PLCXD3: variants seen among roughly 807,000 people sequenced by gnomAD.
PLCXD3 encodes the protein phosphatidylinositol specific phospholipase C X domain containing 3, also known as PI-PLC X domain-containing protein 3.
A neutral mutation model predicts 25.5 loss-of-function variants in PLCXD3; 19 were observed. The observed-to-expected ratio is 0.75, with a 90% CI of 0.52 to 1.09. PLCXD3 has a LOEUF of 1.09. PLCXD3 is among the 50% of genes least tolerant of loss of function. PLCXD3 has a pLI of 0.00. For missense variants in PLCXD3, 411 were observed against 388.1 expected, an observed-to-expected ratio of 1.06 and a Z score of -0.50; for synonymous variants, 174 against 137.6, an observed-to-expected ratio of 1.26 and a Z score of -1.85.
At chr5:41,317,508 A>G (rs1447708518) in intron 2 of PLCXD3, among the ~76,000 whole-genome samples, 3 of 152,158 alleles carry the variant, frequency 2.0e-5, no homozygotes, top group Non-Finnish European at 2.9e-5. Flanking sequence ...ACCTCACCAT[A>G]TGAACTAAAT....
chr5:41,468,109 C>A (rs1436859968), intron 1 of PLCXD3, among the ~76,000 whole-genome samples: 1 of 138,698 alleles, frequency 7.2e-6, no homozygotes, highest in Non-Finnish European at 1.5e-5. Context: ...CCTCTGCCTC[C>A]TGGGTTGAAG....
At chr5:41,355,449 T>A (rs1744590038) in intron 2 of PLCXD3, among the ~76,000 whole-genome samples, 1 of 152,216 alleles carries the variant, frequency 6.6e-6, no homozygotes, top group African/African-American at 2.4e-5. Context: ...AGAACCATAA[T>A]ATCATAATCC....
chr5:41,461,277 T>C (rs1166432202), intron 1 of PLCXD3, among the ~76,000 whole-genome samples: 1 of 152,000 alleles, frequency 6.6e-6, no homozygotes, highest in African/African-American at 2.4e-5. Context: ...AAAAAATTTC[T>C]ACAGGAACAA....
At chr5:41,323,218 G>A (rs1030121566) in intron 2 of PLCXD3, among the ~76,000 whole-genome samples, 5 of 152,080 alleles carry the variant, frequency 3.3e-5, no homozygotes, top group Non-Finnish European at 5.9e-5. Context: ...CCAGAGGCTA[G>A]GAAGCATAGT....
At chr5:41,491,691 T>G (rs318049) in intron 1 of PLCXD3, among the ~76,000 whole-genome samples, 151,716 of 151,944 alleles carry the variant, frequency 1, 75,748 homozygotes, top group Middle Eastern at 1. Context: ...TTATGTAATG[T>G]CCTTCTTTGT....
At chr5:41,497,109 T>C (rs1748859131) in intron 1 of PLCXD3, among the ~76,000 whole-genome samples, 1 of 149,700 alleles carries the variant, frequency 6.7e-6, no homozygotes, top group South Asian at 2.1e-4. Context: ...ACTACAAAAA[T>C]AAATCAATAA....
chr5:41,333,942 A>G (rs999700167), intron 2 of PLCXD3, among the ~76,000 whole-genome samples: 8 of 152,148 alleles, frequency 5.3e-5, no homozygotes, highest in African/African-American at 1.9e-4. Flanking sequence ...CTCTGCCCAA[A>G]TCAAATTCAA....
At chr5:41,332,860 C>T (rs958921018) in intron 2 of PLCXD3, among the ~76,000 whole-genome samples, 42 of 152,126 alleles carry the variant, frequency 2.8e-4, no homozygotes, top group African/African-American at 8.9e-4. Flanking sequence ...AACCAAGCAC[C>T]GCATATTCTC....
chr5:41,344,995 A>G (rs1744259312), intron 2 of PLCXD3, among the ~76,000 whole-genome samples: 1 of 152,184 alleles, frequency 6.6e-6, no homozygotes, highest in Non-Finnish European at 1.5e-5. Flanking sequence ...AATCACAAAA[A>G]TAAAAGCATA....
chr5:41,492,259 G>T (rs1194947725), intron 1 of PLCXD3, among the ~76,000 whole-genome samples: 4 of 152,046 alleles, frequency 2.6e-5, no homozygotes, highest in Non-Finnish European at 5.9e-5. Flanking sequence ...GTTGAATATT[G>T]GCCCCCACTC....
At chr5:41,386,577 A>T (rs991577583) in intron 1 of PLCXD3, among the ~76,000 whole-genome samples, 3 of 152,068 alleles carry the variant, frequency 2.0e-5, no homozygotes, top group African/African-American at 7.2e-5. Flanking sequence ...AAAATATGTA[A>T]TTAAGGTCCC....
chr5:41,346,543 A>C (rs973704930), intron 2 of PLCXD3, among the ~76,000 whole-genome samples: 2 of 152,114 alleles, frequency 1.3e-5, no homozygotes, highest in Non-Finnish European at 2.9e-5. Flanking sequence ...TACTGTCTCT[A>C]TAATTTTGAA....
intron 1 of PLCXD3, among the ~76,000 whole-genome samples, chr5:41,476,783 C>A (rs1283570547): frequency 6.6e-6 from 1 of 152,158 alleles, no homozygotes; most frequent in Non-Finnish European, 1.5e-5. Flanking sequence ...ACACAAAGAG[C>A]AATTACTTTC....
intron 1 of PLCXD3, among the ~76,000 whole-genome samples, chr5:41,416,111 C>T (rs1309540055): frequency 6.6e-6 from 1 of 152,204 alleles, no homozygotes; most frequent in African/African-American, 2.4e-5. Context: ...AATAACCTGA[C>T]ATCACTTTTC....
intron 2 of PLCXD3, among the ~76,000 whole-genome samples, chr5:41,339,851 G>C (rs1744088391): frequency 6.6e-6 from 1 of 152,064 alleles, no homozygotes; most frequent in African/African-American, 2.4e-5. Flanking sequence ...CCTCATAATA[G>C]ATCATATCCA....
intron 1 of PLCXD3, among the ~76,000 whole-genome samples, chr5:41,422,002 TA>T (rs67291030): frequency 0.89 from 134,811 of 151,506 alleles, 60,424 homozygotes; most frequent in Non-Finnish European, 0.93. Context: ...TATATATATA[TA>T]TTGCTAATGC....
At chr5:41,414,042 A>C (rs1241929315) in intron 1 of PLCXD3, among the ~76,000 whole-genome samples, 1 of 152,030 alleles carries the variant, frequency 6.6e-6, no homozygotes, top group Non-Finnish European at 1.5e-5. Flanking sequence ...TTAGATACAC[A>C]GTAGAAAGGT....
At position 41,510,413 on chromosome 5, in the gene PLCXD3, T is replaced by TGC. The variant is rs758522341; in HGVS notation, c.103+9_103+10dup. 50 of 1,603,084 alleles carry TGC rather than the reference T, an allele frequency of 3.1e-5. No homozygotes were observed. In the Middle Eastern group the frequency reaches 3.5e-3, roughly 112 times the overall value. On this transcript the variant is annotated intron_variant, in intron 1 of 2. Transcript: ENST00000377801. ...CGCCGAGCGCCTAGCCCGCAGCCCC[T>TGC]GCGCGCCTACCTGGAATGGCTAAAT...
intron 1 of PLCXD3, among the ~76,000 whole-genome samples, chr5:41,496,135 C>T (rs1042851760): frequency 6.6e-6 from 1 of 151,856 alleles, no homozygotes; most frequent in Non-Finnish European, 1.5e-5. Flanking sequence ...ATATTGCTAA[C>T]TTGAGGATAG....
Sources: allele counts gnomAD v4.1 joint callset (sites outside exome capture counted in the v4.1 genomes callset), GRCh38; gene constraint gnomAD v4.1.1; transcripts MANE v1.5; gene names NCBI Gene and HGNC (gene_info 2026-07-23, HGNC 2026-07-21).